Variants in DLC1 observed in about 807,000 individuals in gnomAD.
DLC1 encodes DLC1 Rho GTPase activating protein, also known as rho GTPase-activating protein 7.
DLC1 carries 54 observed loss-of-function variants against 140.3 expected under a neutral mutation model. That is an observed-to-expected ratio of 0.38 (90% confidence interval 0.31 to 0.48). The LOEUF is 0.48. Among genes scored for constraint, DLC1 ranks in the 20% least tolerant of loss-of-function variants. The pLI is 0.96. For synonymous variants in DLC1, 986 were observed against 728.1 expected, an observed-to-expected ratio of 1.35 and a Z score of -5.70; for missense variants, 2,536 against 1,907.0, an observed-to-expected ratio of 1.33 and a Z score of -6.14.
At chr8:13,404,291 G>C (rs931570044) in intron 2 of DLC1, among the ~76,000 whole-genome samples, 1 of 152,012 alleles carries the variant, frequency 6.6e-6, no homozygotes, top group African/African-American at 2.4e-5. Flanking sequence ...GTGGATTTCC[G>C]TGGTGTAAAT....
chr8:13,225,500 G>C (rs1169445179), intron 5 of DLC1, among the ~76,000 whole-genome samples: 1 of 152,096 alleles, frequency 6.6e-6, no homozygotes, highest in African/African-American at 2.4e-5. Flanking sequence ...TAAATATGTA[G>C]CACATGGGAG....
At chr8:13,579,105 C>T (rs1242151177) in intron 1 of DLC1, among the ~76,000 whole-genome samples, 1 of 150,684 alleles carries the variant, frequency 6.6e-6, no homozygotes, top group Non-Finnish European at 1.5e-5. Flanking sequence ...GTGCCAGACT[C>T]TCCTATCACT....
At chr8:13,591,198 A>G (rs1805502633) in intron 1 of DLC1, among the ~76,000 whole-genome samples, 1 of 152,124 alleles carries the variant, frequency 6.6e-6, no homozygotes, top group East Asian at 1.9e-4. Flanking sequence ...TACTTTGAAA[A>G]ATGATTATCA....
chr8:13,486,849 A>G (rs1321978634), intron 2 of DLC1, among the ~76,000 whole-genome samples: 1 of 152,188 alleles, frequency 6.6e-6, no homozygotes, highest in Admixed American at 6.5e-5. Context: ...TCCTTGATGA[A>G]TGGATTGGAA....
At chr8:13,586,585 ACATG>A (rs1805321799) in intron 1 of DLC1, among the ~76,000 whole-genome samples, 1 of 107,842 alleles carries the variant, frequency 9.3e-6, no homozygotes, top group Non-Finnish European at 1.8e-5. Context: ...ATGCAGATGC[ACATG>A]CACACACACA....
chr8:13,182,927 G>T (rs1826125702), intron 5 of DLC1, among the ~76,000 whole-genome samples: 2 of 152,100 alleles, frequency 1.3e-5, no homozygotes, highest in Admixed American at 1.3e-4. Flanking sequence ...CCATTTTCAG[G>T]ATATTGATTC....
At chr8:13,094,394 G>A (rs371126440) in intron 12 of DLC1, among the ~76,000 whole-genome samples, 121 of 152,262 alleles carry the variant, frequency 7.9e-4, no homozygotes, top group African/African-American at 2.9e-3. Flanking sequence ...GGCCAGGCGT[G>A]GTGGCTCACA....
intron 5 of DLC1, among the ~76,000 whole-genome samples, chr8:13,289,013 A>G (rs1586076135): frequency 6.6e-6 from 1 of 152,284 alleles, no homozygotes; most frequent in Middle Eastern, 3.4e-3. Context: ...ATCGCATATT[A>G]GGTGCTCTGT....
chr8:13,555,875 C>T (rs1335437563), intron 1 of DLC1, among the ~76,000 whole-genome samples: 1 of 151,818 alleles, frequency 6.6e-6, no homozygotes, highest in Non-Finnish European at 1.5e-5. Context: ...ATTAATGGTG[C>T]ATACATAGGG....
At chr8:13,340,759 C>G (rs933663167) in intron 4 of DLC1, 5 of 152,338 alleles carry the variant, frequency 3.3e-5, no homozygotes, top group African/African-American at 1.2e-4. Flanking sequence ...CAGTAACAAT[C>G]TGGCCTATGC....
rs142024772 is a variant in DLC1, at chr8:13,092,842, C to A, written c.3527-17G>T. Reference sequence around the variant, plus strand: ...TGGGCACATCTGCACGACACCAGCACTTTCTCCATCAGCTTGGTGAATTTG... The same window carrying A: ...TGGGCACATCTGCACGACACCAGCAATTTCTCCATCAGCTTGGTGAATTTG... On this transcript the variant is annotated splice_polypyrimidine_tract_variant and intron_variant, in intron 12 of 17. Transcript: ENST00000276297. The A allele has an allele frequency of 1.9e-3, 2,977 of 1,605,186 alleles. 35 individuals carry two copies. In the East Asian group the frequency reaches 0.03, roughly 16 times the overall value.
At position 13,491,133 on chromosome 8, in the gene DLC1, T is replaced by A. The variant is rs187718274; in HGVS notation, c.1023+7916A>T. The stretch of plus-strand genomic sequence containing the variant: ...ATATATATTCAGATTTAATATTTTT[T>A]TATATATATATAGCCTTAAAGGCAT... On this transcript the variant is annotated intron_variant, in intron 2 of 17. Coordinates refer to ENST00000276297, the MANE Select transcript of DLC1 (RefSeq NM_182643.3). Among the ~76,000 whole-genome samples, 995 of 149,014 alleles carry A rather than the reference T, an allele frequency of 6.7e-3. 12 individuals carry two copies. The highest frequency in any genetic ancestry group is 0.022 in the African/African-American group (903 of 40,932).
At chr8:13,537,686 C>T (rs561172052) in intron 1 of DLC1, among the ~76,000 whole-genome samples, 25 of 126,342 alleles carry the variant, frequency 2.0e-4, no homozygotes, top group Non-Finnish European at 3.2e-4. Flanking sequence ...CGGAGTCTCT[C>T]TCTGTCACCC....
chr8:13,367,849 G>A (rs1427917007), intron 4 of DLC1, among the ~76,000 whole-genome samples: 1 of 152,190 alleles, frequency 6.6e-6, no homozygotes, highest in East Asian at 1.9e-4. Context: ...AGTTACATTT[G>A]CAAATGAGGA....
chr8:13,353,357 A>AGG (rs1834767097), intron 4 of DLC1: 1 of 152,176 alleles, frequency 6.6e-6, no homozygotes, highest in Non-Finnish European at 1.5e-5. Context: ...TAATATCTGT[A>AGG]AAAGACTTCA....
rs541686005 is a variant in DLC1, at chr8:13,313,127, C to CT, written c.1315-7826dup. On this transcript the variant is annotated intron_variant, in intron 4 of 17. Coordinates refer to ENST00000276297, the MANE Select transcript of DLC1 (RefSeq NM_182643.3). ...GCAACGTCCCTGCTGAAGATTTTTACTTACAGCACTGTTTTCCTTAAAATG... is the reference window on the plus strand; with the variant it reads ...GCAACGTCCCTGCTGAAGATTTTTACTTTACAGCACTGTTTTCCTTAAAATG... Among the ~76,000 whole-genome samples, 10 of 152,278 alleles carry CT rather than the reference C, an allele frequency of 6.6e-5. No homozygotes were observed. In the East Asian group the frequency reaches 1.9e-3, roughly 29 times the overall value.
At chr8:13,348,833 T>C (rs1261928958) in intron 4 of DLC1, among the ~76,000 whole-genome samples, 1 of 152,168 alleles carries the variant, frequency 6.6e-6, no homozygotes, top group African/African-American at 2.4e-5. Flanking sequence ...TTGGCAGCTA[T>C]GCTAAAGGCT....
At chr8:13,474,326 C>T (rs1012671262) in intron 2 of DLC1, among the ~76,000 whole-genome samples, 3 of 152,198 alleles carry the variant, frequency 2.0e-5, no homozygotes, top group Non-Finnish European at 4.4e-5. Flanking sequence ...TTGGAAACCT[C>T]TGCCTAGATT....
chr8:13,319,187 A>G (rs1832983856), intron 4 of DLC1, among the ~76,000 whole-genome samples: 2 of 152,250 alleles, frequency 1.3e-5, no homozygotes, highest in South Asian at 2.1e-4. Flanking sequence ...AAGCACATCA[A>G]CAAAATAAAA....
Sources: allele counts gnomAD v4.1 joint callset (sites outside exome capture counted in the v4.1 genomes callset), GRCh38; gene constraint gnomAD v4.1.1; transcripts MANE v1.5; gene names NCBI Gene and HGNC (gene_info 2026-07-23, HGNC 2026-07-21).